The following TIAM2 variants were observed in gnomAD, a reference collection of about 807,000 sequenced individuals.
The protein encoded by TIAM2 is rho guanine nucleotide exchange factor TIAM2.
TIAM2 carries 80 observed loss-of-function variants against 152.9 expected under a neutral mutation model. That is an observed-to-expected ratio of 0.52 (90% CI 0.44 to 0.63). The LOEUF is 0.63. Among genes scored for constraint, TIAM2 ranks in the 30% least tolerant of loss-of-function variants. The pLI, the probability that TIAM2 is intolerant of heterozygous loss-of-function variation, is 0.00. For missense variants in TIAM2, 1,965 were observed against 2,120.1 expected (o/e 0.93, Z 1.44); for synonymous variants, 804 against 838.0 (o/e 0.96, Z 0.70).
In TIAM2 at chr6:155,176,908, C is replaced by A. The variant is rs868508877; in HGVS notation, c.2454C>A (p.Asp818Glu). 4.3e-6 allele frequency: 7 copies of A among 1,613,880 alleles called. No homozygotes were observed. The highest frequency in any genetic ancestry group is 3.3e-4 in the Middle Eastern group (2 of 6,084). Reference protein sequence around the residue: ...WEIQTYVHFQDNHGVTVGIKP... With the variant: ...WEIQTYVHFQENHGVTVGIKP... ...TCCAGACTTATGTCCACTTTCAGGA[C>A]AATCACGGAGTTACTGTAGGGATCA... Residue 818 changes from aspartate (D) to glutamate (E), a missense_variant, in exon 10 of 27, where the codon GAC becomes GAA. Asp to Glu is a conservative substitution (Grantham distance 45). This residue lies in a region of TIAM2 where 1,025 missense variants were observed against 1,119.4 expected (regional missense o/e 0.92). Coordinates refer to ENST00000682666, the MANE Select transcript of TIAM2 (RefSeq NM_012454.4).
At chr6:155,131,982 GATAAA>G (rs1473098758) in intron 4 of TIAM2, among the ~76,000 whole-genome samples, 2 of 151,762 alleles carry the variant, frequency 1.3e-5, no homozygotes, top group Non-Finnish European at 2.9e-5. Context: ...TGATAAAACT[GATAAA>G]ATAAGAATGA....
chr6:155,080,283 C>A (rs999396247), intron 1 of TIAM2, among the ~76,000 whole-genome samples: 2 of 151,914 alleles, frequency 1.3e-5, no homozygotes, highest in African/African-American at 2.4e-5. Context: ...CTCCCTTGGA[C>A]TGGTTGTCAG....
chr6:155,253,182 C>A, intron 24 of TIAM2, 129 bp downstream of exon 24: 1 of 744,166 alleles, frequency 1.3e-6, no homozygotes, highest in Non-Finnish European at 2.2e-6. Context: ...AAAATGAGGA[C>A]AAGAGAGGTT....
At chr6:155,029,130 ATGTGT>A (rs1562294836) in intron 1 of TIAM2, among the ~76,000 whole-genome samples, 4 of 123,132 alleles carry the variant, frequency 3.2e-5, no homozygotes, top group African/African-American at 8.9e-5. Context: ...TGTATGTACT[ATGTGT>A]TATATACACT....
intron 2 of TIAM2, among the ~76,000 whole-genome samples, chr6:155,094,546 CTTTTTTTTTTT>C (rs10694318): frequency 5.0e-5 from 4 of 79,940 alleles, no homozygotes; most frequent in Non-Finnish European, 6.6e-5. Context: ...TTCACTCAGA[CTTTTTTTTTTT>C]TTTTTTTTTT....
chr6:155,126,662 C>T (rs1300822736), intron 2 of TIAM2, among the ~76,000 whole-genome samples: 1 of 152,012 alleles, frequency 6.6e-6, no homozygotes, highest in African/African-American at 2.4e-5. Flanking sequence ...ACCCAGGAGG[C>T]GGAGGTTGCA....
rs1385825049 is a variant in TIAM2 at position 155,148,324 on chromosome 6, T to C, written c.2018T>C (p.Ile673Thr). 4 of 1,611,544 alleles carry C rather than the reference T, an allele frequency of 2.5e-6. No individual in the cohort carries two copies. Among genetic ancestry groups the C allele is most frequent in the Non-Finnish European group, 3.4e-6 (4 of 1,179,828 alleles). The change falls in exon 7 of 27, where the codon ATA becomes ACA. Residue 673 changes from isoleucine (I) to threonine (T), a missense_variant. Physicochemically the swap from Ile to Thr is moderately conservative, Grantham distance 89. Transcript: ENST00000682666. Reference sequence around the variant, plus strand: ...AGCGACCCAAAGAACAGGAAAGCCATAGAGAACCAGGTACTGTTTGTCTAC... The same window carrying C: ...AGCGACCCAAAGAACAGGAAAGCCACAGAGAACCAGGTACTGTTTGTCTAC... ...VVSDPKNRKAIENQIQQWEQN... is the reference protein window; with the variant it reads ...VVSDPKNRKATENQIQQWEQN...
chr6:155,047,190 T>G (rs1777194088), intron 1 of TIAM2, among the ~76,000 whole-genome samples: 1 of 152,148 alleles, frequency 6.6e-6, no homozygotes, highest in Non-Finnish European at 1.5e-5. Context: ...ATTTTACTTT[T>G]TTGAGATGGG....
chr6:155,230,940 C>T (rs888133857), intron 15 of TIAM2, among the ~76,000 whole-genome samples: 8 of 151,208 alleles, frequency 5.3e-5, no homozygotes, highest in African/African-American at 1.2e-4. Context: ...TTCAAGCAGT[C>T]CTCCCAACTC....
chr6:155,137,625 T>C lies in TIAM2; in HGVS notation c.1630+13T>C, dbSNP rs1779587020. 6.4e-7 allele frequency: 1 copy of C among 1,551,078 alleles called. No homozygotes were observed. Among genetic ancestry groups the C allele is most frequent in the Non-Finnish European group, 8.7e-7 (1 of 1,155,340 alleles). On this transcript the variant is annotated intron_variant, in intron 5 of 26. Coordinates refer to ENST00000682666, the MANE Select transcript of TIAM2 (RefSeq NM_012454.4). ...GTAACGCTGAAAGGTGAGTGCAGTG[T>C]CACCTGCTGAGGCCACTGGGGATTG...
At chr6:155,087,448 A>G (rs959794643) in intron 1 of TIAM2, among the ~76,000 whole-genome samples, 2 of 152,168 alleles carry the variant, frequency 1.3e-5, no homozygotes, top group Non-Finnish European at 2.9e-5. Flanking sequence ...TTTTCTTATC[A>G]TTTGAAAATA....
At chr6:155,023,644 G>A (rs1484195736) in intron 1 of TIAM2, among the ~76,000 whole-genome samples, 3 of 152,130 alleles carry the variant, frequency 2.0e-5, no homozygotes, top group Admixed American at 2.0e-4. Context: ...ATTATCCTCT[G>A]GAGGTCTTCT....
chr6:155,103,093 CA>C (rs1416118861), intron 2 of TIAM2, among the ~76,000 whole-genome samples: 1 of 152,084 alleles, frequency 6.6e-6, no homozygotes, highest in Admixed American at 6.6e-5. Flanking sequence ...CAGAATAAAG[CA>C]TTAGAAAGAT....
chr6:155,215,275 T>G lies in TIAM2; in HGVS notation c.3168+3968T>G, dbSNP rs1000308632. ...AAGCAAAACATTTACAAAGTGAACATTGGAGCATCAGAAATTTAGAAGAGG... is the reference window on the plus strand; with the variant it reads ...AAGCAAAACATTTACAAAGTGAACAGTGGAGCATCAGAAATTTAGAAGAGG... On this transcript the variant is annotated intron_variant, in intron 15 of 26. Coordinates refer to ENST00000682666, the MANE Select transcript of TIAM2 (RefSeq NM_012454.4). Among the ~76,000 whole-genome samples, 3 of 152,196 alleles carry G rather than the reference T, an allele frequency of 2.0e-5. No individual in the cohort carries two copies. The East Asian group carries it at 5.8e-4, about 29-fold the overall frequency.
chr6:155,069,399 G>C (rs1247146442), intron 1 of TIAM2, among the ~76,000 whole-genome samples: 3 of 152,156 alleles, frequency 2.0e-5, no homozygotes, highest in South Asian at 4.2e-4. Context: ...CAGCCTGTTA[G>C]TAAACTTTAT....
chr6:155,226,326 T>G (rs1782241159), intron 15 of TIAM2, among the ~76,000 whole-genome samples: 1 of 152,230 alleles, frequency 6.6e-6, no homozygotes, highest in African/African-American at 2.4e-5. Context: ...GTAGCCCCCT[T>G]GGCTGGCTGA....
At chr6:155,123,757 C>T (rs979730961) in intron 2 of TIAM2, among the ~76,000 whole-genome samples, 3 of 152,012 alleles carry the variant, frequency 2.0e-5, no homozygotes, top group African/African-American at 4.8e-5. Flanking sequence ...TGCTGCAGCT[C>T]GGGAGGGCTG....
chr6:155,005,006 G>T, intron 1 of TIAM2: 3 of 493,090 alleles, frequency 6.1e-6, no homozygotes, highest in Non-Finnish European at 6.3e-6. Context: ...TGCCCCATGT[G>T]AAGAGGCAGA....
chr6:155,256,792 C>A lies in TIAM2; in HGVS notation c.4777C>A (p.Gln1593Lys). The A allele has an allele frequency of 6.2e-7, 1 of 1,614,202 alleles. No homozygotes were observed. Among genetic ancestry groups the A allele is most frequent in the Non-Finnish European group, 8.5e-7 (1 of 1,180,040 alleles). The change falls in exon 27 of 27, where the codon CAG becomes AAG. Residue 1593 changes from glutamine to lysine, a missense_variant. By Grantham distance (53) the Gln-to-Lys change is moderately conservative. Transcript: ENST00000682666. ...SPTKDIEIQF[Q>K]RLRISEDPDV... is the part of the protein sequence containing the mutation. ...TACTAAAGACATCGAAATTCAGTTCCAGAGACTGAGGATTTCCGAGGACCC... is the reference window on the plus strand; with the variant it reads ...TACTAAAGACATCGAAATTCAGTTCAAGAGACTGAGGATTTCCGAGGACCC...
Sources: allele counts gnomAD v4.1 joint callset (sites outside exome capture counted in the v4.1 genomes callset), GRCh38; gene constraint gnomAD v4.1.1; regional missense constraint gnomAD v4.1.1; transcripts MANE v1.5; gene names NCBI Gene and HGNC (gene_info 2026-07-23, HGNC 2026-07-21).